The following TCF7 variants were observed in gnomAD, a reference collection of about 807,000 sequenced individuals.
TCF7 encodes transcription factor 7.
TCF7 carries 19 observed loss-of-function variants against 46.8 expected under a neutral mutation model. The ratio of observed to expected loss-of-function variants is 0.41; its 90% CI spans 0.28 to 0.60. TCF7 has a LOEUF of 0.60. TCF7 is among the 20% of genes least tolerant of loss of function. The probability of loss-of-function intolerance (pLI) is 0.35; values close to 1 mark genes in which losing one functional copy is unlikely to be tolerated. For synonymous variants in TCF7, 245 were observed against 213.4 expected (o/e 1.15, Z -1.29); for missense variants, 547 against 504.6 (o/e 1.08, Z -0.81).
At chr5:134,111,875 T>C (rs1254790144), upstream of TCF7, among the ~76,000 whole-genome samples, 2 of 152,216 alleles carry the variant, frequency 1.3e-5, no homozygotes, top group Non-Finnish European at 2.9e-5. Context: ...TGTGAGAACT[T>C]AGGTGACTTC....
Position 134,124,256 on chromosome 5 carries a change from C to T in TCF7, c.441+8223C>T, listed in dbSNP as rs546292061. ...TCAGGCAGTTTGCTGTCCTGTTTCG[C>T]AGACCTGTCATGCTTGGGGTCTGGA... is the stretch of plus-strand genomic sequence containing the variant. On this transcript the variant is annotated intron_variant, in intron 3 of 9. Transcript: ENST00000342854. Among the ~76,000 whole-genome samples, 5 of 152,296 alleles carry T rather than the reference C, an allele frequency of 3.3e-5. No homozygotes were observed. In the East Asian group the frequency reaches 9.6e-4, roughly 29 times the overall value.
chr5:134,140,151 A>T (rs1759519464), intron 5 of TCF7, among the ~76,000 whole-genome samples: 1 of 152,110 alleles, frequency 6.6e-6, no homozygotes, highest in South Asian at 2.1e-4. Flanking sequence ...GTGAGGAAAG[A>T]AGTAGGGGTA....
At chr5:134,116,074 C>T in intron 3 of TCF7, 41 bp downstream of exon 3, 1 of 1,579,648 alleles carries the variant, frequency 6.3e-7, no homozygotes, top group South Asian at 1.2e-5. Flanking sequence ...GTGCTTGCAG[C>T]CTCCTTGACC....
chr5:134,143,782 C>G (rs899229931), intron 9 of TCF7, 142 bp downstream of exon 9: 2 of 869,098 alleles, frequency 2.3e-6, no homozygotes, highest in African/African-American at 3.4e-5. Context: ...AGGCCTGCAT[C>G]TCACAAGTCA....
At chr5:134,145,776 G>A (rs30489) in intron 9 of TCF7, 157,944 of 1,613,706 alleles carry the variant, frequency 0.098, 11,037 homozygotes, top group East Asian at 0.39. Flanking sequence ...GGATGGTAAT[G>A]GACAAGAGTC....
intron 8 of TCF7, 132 bp downstream of exon 8, chr5:134,143,232 C>A: frequency 1.1e-6 from 1 of 944,246 alleles, no homozygotes; most frequent in Non-Finnish European, 1.6e-6. Context: ...ACGGAGGGTC[C>A]AAGGCCTCCC....
In TCF7 at chr5:134,134,027, C is replaced by CA. The variant is rs151279819; in HGVS notation, c.442-4031dup. ...CAGGCCCAGCATGGCCAAGGAGGGT[C>CA]AGCTCTGGCCTCCCCACTCCTGGCA... On this transcript the variant is annotated intron_variant, in intron 3 of 9. Coordinates refer to ENST00000342854, the MANE Select transcript of TCF7 (RefSeq NM_003202.5). Among the ~76,000 whole-genome samples the CA allele has an allele frequency of 5.1e-3, 771 of 152,344 alleles. 5 individuals carry two copies. Among genetic ancestry groups the CA allele is most frequent in the African/African-American group, 0.018 (729 of 41,568 alleles).
At chr5:134,130,145 C>T (rs1459853213) in intron 3 of TCF7, among the ~76,000 whole-genome samples, 2 of 152,222 alleles carry the variant, frequency 1.3e-5, no homozygotes, top group African/African-American at 4.8e-5. Flanking sequence ...GCGCCTCCAG[C>T]CTGGCTGGCG....
chr5:134,137,295 G>A (rs1759007613), intron 3 of TCF7, among the ~76,000 whole-genome samples: 2 of 151,990 alleles, frequency 1.3e-5, no homozygotes, highest in Admixed American at 1.3e-4. Flanking sequence ...GTGGTGGCGG[G>A]TGCCTGTAAT....
rs1348182101 is a variant in TCF7, at chr5:134,147,718, G to C, written c.*1415G>C. The C allele has an allele frequency of 1.3e-5, 2 of 152,290 alleles. No individual in the cohort carries two copies. Among genetic ancestry groups the C allele is most frequent in the Non-Finnish European group, 2.9e-5 (2 of 68,040 alleles). 9.4% of individuals were successfully genotyped at this position (152,290 alleles called of 1,614,324 possible). A position where few individuals can be genotyped will look rare whatever the true frequency, so the allele number is the denominator to read the frequency against. On this transcript the variant is annotated 3_prime_UTR_variant, in exon 10 of 10. Transcript: ENST00000342854. ...GGGCCAGGCGCGGTGGCTCACGCCT[G>C]TAATCCCAGCACTTTGGCAGGCCGA...
chr5:134,128,324 T>C (rs1178296100), intron 3 of TCF7, among the ~76,000 whole-genome samples: 1 of 152,180 alleles, frequency 6.6e-6, no homozygotes, highest in Non-Finnish European at 1.5e-5. Context: ...GAGGCTCCCA[T>C]GCAGTTGGCA....
chr5:134,143,362 G>A lies in TCF7; in HGVS notation c.1027-230G>A, dbSNP rs541414478. The A allele has an allele frequency of 4.3e-4, 340 of 783,594 alleles. 3 individuals are homozygous for A. The highest frequency in any genetic ancestry group is 3.2e-3 in the South Asian group (239 of 73,922). The allele number at this position is 783,594 out of a possible 1,614,324, so 48.5% of individuals were successfully genotyped here. A position where few individuals can be genotyped will look rare whatever the true frequency, so the allele number is the denominator to read the frequency against. On this transcript the variant is annotated intron_variant, in intron 8 of 9. Transcript: ENST00000342854. ...TGGGCAGAAGGGGAGAAAGGGGTCTGGAAGTCACCTCCTTCCATTCAAACT... is the reference window on the plus strand; with the variant it reads ...TGGGCAGAAGGGGAGAAAGGGGTCTAGAAGTCACCTCCTTCCATTCAAACT...
At chr5:134,116,072 A>T (rs1345418854) in intron 3 of TCF7, 39 bp downstream of exon 3, 1 of 1,588,482 alleles carries the variant, frequency 6.3e-7, no homozygotes, top group Non-Finnish European at 8.6e-7. Context: ...CTGTGCTTGC[A>T]GCCTCCTTGA....
chr5:134,129,000 A>G (rs1021460554), intron 3 of TCF7, among the ~76,000 whole-genome samples: 3 of 152,270 alleles, frequency 2.0e-5, no homozygotes, highest in African/African-American at 2.4e-5. Context: ...GGCTGCTGCC[A>G]GCAGAAGTGC....
chr5:134,124,104 C>T (rs17167275), intron 3 of TCF7, among the ~76,000 whole-genome samples: 21,362 of 152,072 alleles, frequency 0.14, 2,259 homozygotes, highest in African/African-American at 0.29. Context: ...CCATTGGTGA[C>T]TCAGCCAGGG....
At chr5:134,143,138 G>C (rs769367942) in intron 8 of TCF7, 38 bp downstream of exon 8, 3 of 1,553,882 alleles carry the variant, frequency 1.9e-6, no homozygotes, top group Non-Finnish European at 2.6e-6. Flanking sequence ...GTGGGCAGGG[G>C]ACCCTTTGAG....
rs1260956906 is a variant in TCF7 at position 134,139,006 on chromosome 5, C to T, written c.603C>T (p.Gly201=). 6.2e-7 allele frequency: 1 copy of T among 1,613,956 alleles called. No individual in the cohort carries two copies. Among genetic ancestry groups the T allele is most frequent in the Admixed American group, 1.7e-5 (1 of 60,018 alleles). ...CTGGCTTCTACTCCCTGACCTCAGGCAGCATGGGGCAGCTCCCCCACACTG... is the reference window on the plus strand; with the variant it reads ...CTGGCTTCTACTCCCTGACCTCAGGTAGCATGGGGCAGCTCCCCCACACTG... ...DLSGFYSLTS[G]SMGQLPHTVS... The change falls in exon 5 of 10, where the codon GGC becomes GGT. Residue 201 remains glycine, a synonymous_variant. Coordinates refer to ENST00000342854, the MANE Select transcript of TCF7 (RefSeq NM_003202.5).
chr5:134,143,666 G>GA (rs1561700243), intron 9 of TCF7, 26 bp downstream of exon 9: 2 of 1,613,188 alleles, frequency 1.2e-6, no homozygotes, highest in Admixed American at 3.3e-5. Flanking sequence ...AGCAGCAGTG[G>GA]AGGCTCCTCT....
At chr5:134,142,343 C>A (rs1255436733) in intron 6 of TCF7, 39 bp downstream of exon 6, 1 of 1,539,774 alleles carries the variant, frequency 6.5e-7, no homozygotes, top group Admixed American at 1.9e-5. Context: ...GTGTGTCAGT[C>A]AGGATACACA....
Sources: gnomAD v4.1 joint callset for allele counts (sites outside exome capture counted in the v4.1 genomes callset) on GRCh38, gnomAD v4.1.1 for gene constraint, MANE v1.5 for transcripts, NCBI Gene and HGNC (gene_info 2026-07-23, HGNC 2026-07-21) for gene names.